Variants in SORCS2 observed in about 807,000 individuals in gnomAD.
SORCS2 encodes the protein sortilin related VPS10 domain containing receptor 2.
Under a neutral mutation model 141.6 loss-of-function variants are expected in SORCS2, and 100 were observed. That is an observed-to-expected ratio of 0.71 (90% confidence interval 0.60 to 0.83). SORCS2 has a LOEUF of 0.83. SORCS2 is among the 40% of genes least tolerant of loss of function. The pLI, the probability that SORCS2 is intolerant of heterozygous loss-of-function variation, is 0.00. For missense variants in SORCS2, 1,646 were observed against 1,560.2 expected, an observed-to-expected ratio of 1.05 and a Z score of -0.93; for synonymous variants, 789 against 676.9, an observed-to-expected ratio of 1.17 and a Z score of -2.57.
At chr4:7,304,640 C>T (rs1009720397) in intron 1 of SORCS2, among the ~76,000 whole-genome samples, 18 of 152,326 alleles carry the variant, frequency 1.2e-4, no homozygotes, top group African/African-American at 4.1e-4. Flanking sequence ...CTCAGAGCTG[C>T]ACCTTGAGCT....
chr4:7,656,286 G>T (rs1721769767), intron 5 of SORCS2, among the ~76,000 whole-genome samples: 1 of 152,174 alleles, frequency 6.6e-6, no homozygotes, highest in African/African-American at 2.4e-5. Context: ...TCCTGGGCAG[G>T]GCCGCGGGTA....
intron 1 of SORCS2, among the ~76,000 whole-genome samples, chr4:7,330,881 G>A (rs1719615571): frequency 6.6e-6 from 1 of 152,028 alleles, no homozygotes; most frequent in South Asian, 2.1e-4. Flanking sequence ...GTGGACTCGC[G>A]GCCGCCATGG....
intron 1 of SORCS2, among the ~76,000 whole-genome samples, chr4:7,330,856 G>A (rs1209932567): frequency 2.6e-5 from 4 of 152,002 alleles, no homozygotes; most frequent in East Asian, 2.0e-4. Context: ...CTCCCACCAC[G>A]TGTGTTCCAC....
At chr4:7,453,068 G>A (rs1429278837) in intron 2 of SORCS2, among the ~76,000 whole-genome samples, 6 of 148,196 alleles carry the variant, frequency 4.0e-5, no homozygotes, top group African/African-American at 1.3e-4. Flanking sequence ...CAGGAGCTGT[G>A]TGTTGGGGTC....
chr4:7,336,180 G>A (rs944534150), intron 1 of SORCS2, among the ~76,000 whole-genome samples: 2 of 152,236 alleles, frequency 1.3e-5, no homozygotes, highest in Non-Finnish European at 2.9e-5. Context: ...CGCTGCCCCT[G>A]CCCTGCGTCC....
At chr4:7,311,645 A>G (rs950836217) in intron 1 of SORCS2, among the ~76,000 whole-genome samples, 1 of 152,160 alleles carries the variant, frequency 6.6e-6, no homozygotes, top group Non-Finnish European at 1.5e-5. Flanking sequence ...GTGATGATGA[A>G]TGATGTCGAG....
At chr4:7,255,583 G>A (rs1713800308) in intron 1 of SORCS2, among the ~76,000 whole-genome samples, 1 of 152,206 alleles carries the variant, frequency 6.6e-6, no homozygotes, top group African/African-American at 2.4e-5. Flanking sequence ...TCCAGAGACA[G>A]GCCTGAGTTC....
At chr4:7,528,446 G>A (rs1224256454) in intron 2 of SORCS2, among the ~76,000 whole-genome samples, 7 of 151,550 alleles carry the variant, frequency 4.6e-5, no homozygotes, top group Admixed American at 4.6e-4. Flanking sequence ...TTTGTTTTTA[G>A]ACGGAGTCTT....
chr4:7,612,787 C>T lies in SORCS2; in HGVS notation c.649-25541C>T, dbSNP rs748088910. Among the ~76,000 whole-genome samples, 281 of 151,104 alleles carry T rather than the reference C, an allele frequency of 1.9e-3. 11 individuals are homozygous for T. Among genetic ancestry groups the T allele is most frequent in the Non-Finnish European group, 4.6e-4 (31 of 67,602 alleles). ...ATAATCCCACCCCACAGGAGCTTCGCGGACGTGGGAGAGAATGAACGTTAG... is the reference window on the plus strand; with the variant it reads ...ATAATCCCACCCCACAGGAGCTTCGTGGACGTGGGAGAGAATGAACGTTAG... On this transcript the variant is annotated intron_variant, in intron 3 of 26. Coordinates refer to ENST00000507866, the MANE Select transcript of SORCS2 (RefSeq NM_020777.3).
At chr4:7,602,337 G>C (rs1471120835) in intron 3 of SORCS2, among the ~76,000 whole-genome samples, 1 of 151,944 alleles carries the variant, frequency 6.6e-6, no homozygotes, top group African/African-American at 2.4e-5. Context: ...CTGCTGGGCG[G>C]AGACGCTCCT....
chr4:7,413,698 A>AT (rs1245350339), intron 2 of SORCS2, among the ~76,000 whole-genome samples: 3 of 152,074 alleles, frequency 2.0e-5, no homozygotes, highest in Non-Finnish European at 2.9e-5. Flanking sequence ...CACAACTGCT[A>AT]TTTTTTAATG....
chr4:7,366,952 G>C (rs575236625), intron 1 of SORCS2, among the ~76,000 whole-genome samples: 1 of 152,208 alleles, frequency 6.6e-6, no homozygotes, highest in Non-Finnish European at 1.5e-5. Context: ...GGCCAGGTCG[G>C]AAGGACTTAA....
intron 1 of SORCS2, among the ~76,000 whole-genome samples, chr4:7,225,600 C>T (rs1728943402): frequency 6.6e-6 from 1 of 152,124 alleles, no homozygotes; most frequent in African/African-American, 2.4e-5. Flanking sequence ...TCAGGCCCAG[C>T]TGGGGGTTGG....
intron 2 of SORCS2, among the ~76,000 whole-genome samples, chr4:7,465,470 G>T (rs1369338346): frequency 1.3e-5 from 2 of 152,188 alleles, no homozygotes; most frequent in African/African-American, 4.8e-5. Context: ...CCTGTGCAAG[G>T]CGCCAGGGTG....
chr4:7,355,554 G>A (rs549192920), intron 1 of SORCS2, among the ~76,000 whole-genome samples: 7 of 152,212 alleles, frequency 4.6e-5, no homozygotes, highest in Middle Eastern at 3.4e-3. Flanking sequence ...TGGCTCTGCC[G>A]TCCCCAGGGG....
intron 2 of SORCS2, among the ~76,000 whole-genome samples, chr4:7,515,221 T>C (rs55634437): frequency 0.29 from 43,889 of 152,046 alleles, 7,535 homozygotes; most frequent in East Asian, 0.74. Context: ...GTGAGTACAG[T>C]GGCCAGCTCA....
At chr4:7,248,138 G>A (rs1001477833) in intron 1 of SORCS2, among the ~76,000 whole-genome samples, 48 of 152,208 alleles carry the variant, frequency 3.2e-4, no homozygotes, top group African/African-American at 1.0e-3. Flanking sequence ...GCCACCGACT[G>A]TGTGTGGCCC....
At chr4:7,339,329 C>T (rs1350721482) in intron 1 of SORCS2, among the ~76,000 whole-genome samples, 1 of 152,234 alleles carries the variant, frequency 6.6e-6, no homozygotes, top group Non-Finnish European at 1.5e-5. Context: ...AGGAGGACTC[C>T]TGACTGCAGT....
intron 2 of SORCS2, 95 bp from the exon 3 acceptor site, chr4:7,531,435 C>A: frequency 1.7e-6 from 2 of 1,208,774 alleles, no homozygotes; most frequent in Non-Finnish European, 2.4e-6. Flanking sequence ...GCACTCGGCC[C>A]GCACGGGCAC....
Sources: allele counts gnomAD v4.1 joint callset (sites outside exome capture counted in the v4.1 genomes callset), GRCh38; gene constraint gnomAD v4.1.1; transcripts MANE v1.5; gene names NCBI Gene and HGNC (gene_info 2026-07-23, HGNC 2026-07-21).